Variants in STAG2 observed in about 807,000 individuals in gnomAD.
STAG2 encodes STAG2 cohesin complex component.
STAG2 carries 14 observed loss-of-function variants against 108.1 expected under a neutral mutation model. The ratio of observed to expected loss-of-function variants is 0.13; its 90% CI spans 0.09 to 0.20. The LOEUF (loss-of-function observed/expected upper bound fraction) is 0.20, where lower values mean the gene tolerates loss of function less well. Among genes scored for constraint, STAG2 ranks in the 10% least tolerant of loss-of-function variants. The probability of loss-of-function intolerance (pLI) is 1.00; values close to 1 mark genes in which losing one functional copy is unlikely to be tolerated. For synonymous variants in STAG2, 307 were observed against 302.7 expected, an observed-to-expected ratio of 1.01 and a Z score of -0.15; for missense variants, 440 against 940.9, an observed-to-expected ratio of 0.47 and a Z score of 6.96.
intron 7 of STAG2, among the ~76,000 whole-genome samples, chrX:124,044,756 T>C (rs2057826454): frequency 8.9e-6 from 1 of 112,432 alleles, no homozygotes; most frequent in African/African-American, 3.2e-5. Context: ...TGTTGATTTA[T>C]ACATCATACA....
intron 3 of STAG2, among the ~76,000 whole-genome samples, chrX:124,025,423 A>G (rs959163284): frequency 3.6e-5 from 4 of 111,362 alleles, no homozygotes; most frequent in African/African-American, 1.3e-4. Flanking sequence ...CAGAGGATCC[A>G]TAATCATAAA....
chrX:123,961,323 A>T (rs957673009), upstream of STAG2: 1 of 106,458 alleles, frequency 9.4e-6, no homozygotes, highest in Admixed American at 9.9e-5. Context: ...TGGGTGGCCC[A>T]AAATGGAGAA....
At chrX:124,049,855 G>A (rs1276389950) in intron 10 of STAG2, among the ~76,000 whole-genome samples, 3 of 112,081 alleles carry the variant, frequency 2.7e-5, no homozygotes, top group Admixed American at 9.5e-5. Flanking sequence ...TGGAAATTAC[G>A]CTCTAGCCAG....
intron 29 of STAG2, 46 bp from the exon 30 acceptor site, chrX:124,086,501 C>G (rs1173393217): frequency 9.6e-7 from 1 of 1,043,303 alleles, no homozygotes; most frequent in East Asian, 3.0e-5. Flanking sequence ...TTAATATAAC[C>G]CACAGATTTC....
intron 34 of STAG2, among the ~76,000 whole-genome samples, chrX:124,097,040 A>G (rs1487964468): frequency 3.6e-5 from 4 of 110,222 alleles, no homozygotes; most frequent in Non-Finnish European, 5.7e-5. Flanking sequence ...TTAGCTGGGC[A>G]TGAAGATGCA....
At chrX:123,985,064 T>A (rs2055099403) in intron 1 of STAG2, among the ~76,000 whole-genome samples, 1 of 112,031 alleles carries the variant, frequency 8.9e-6, no homozygotes, top group South Asian at 3.7e-4. Flanking sequence ...TTTTGAGATC[T>A]GAGAGGCTTG....
intron 21 of STAG2, 33 bp from the exon 22 acceptor site, chrX:124,066,142 A>ATT (rs2058518926): frequency 1.3e-6 from 1 of 772,649 alleles, no homozygotes; most frequent in Non-Finnish European, 1.7e-6. Flanking sequence ...AATAAAACTT[A>ATT]ATTTTTTTTT....
intron 23 of STAG2, among the ~76,000 whole-genome samples, chrX:124,067,586 C>T (rs1192690038): frequency 9.0e-6 from 1 of 111,298 alleles, no homozygotes; most frequent in Non-Finnish European, 1.9e-5. Flanking sequence ...TTTTATCAAA[C>T]ACTTAGGAAA....
At chrX:124,000,021 C>T (rs2055951084) in intron 1 of STAG2, among the ~76,000 whole-genome samples, 1 of 109,382 alleles carries the variant, frequency 9.1e-6, no homozygotes, top group South Asian at 3.9e-4. Flanking sequence ...AATCTGGTCT[C>T]TTAAGCCTCA....
chrX:123,979,693 T>C (rs1180825242), intron 1 of STAG2, among the ~76,000 whole-genome samples: 2 of 111,245 alleles, frequency 1.8e-5, no homozygotes, highest in Non-Finnish European at 3.8e-5. Flanking sequence ...CTAGGTTCTG[T>C]AGAGCCTTTT....
intron 33 of STAG2, among the ~76,000 whole-genome samples, chrX:124,094,709 A>T (rs1360339525): frequency 2.7e-5 from 3 of 111,307 alleles, no homozygotes; most frequent in Non-Finnish European, 1.9e-5. Flanking sequence ...GGTTGAAAGG[A>T]TTGAGGATAT....
chrX:124,041,550 T>C (rs2057720413), intron 6 of STAG2, among the ~76,000 whole-genome samples: 1 of 111,503 alleles, frequency 9.0e-6, no homozygotes, highest in Non-Finnish European at 1.9e-5. Context: ...ATTCTTCTTT[T>C]AGATATTACT....
At chrX:124,058,120 A>ATT in intron 15 of STAG2, 143 bp downstream of exon 15, 24 of 229,500 alleles carry the variant, frequency 1.0e-4, no homozygotes, top group East Asian at 2.0e-4. Context: ...CACTCCCCCA[A>ATT]TTTTTTTTTT....
rs1372508676 is a variant in STAG2, at chrX:124,101,711, C to G, written c.*1114C>G. ...GCAAGCAGTCTTCAGGTTAAAGATACTTCTAACAGGTTACAGTACATTTCC... is the reference window on the plus strand; with the variant it reads ...GCAAGCAGTCTTCAGGTTAAAGATAGTTCTAACAGGTTACAGTACATTTCC... On this transcript the variant is annotated 3_prime_UTR_variant, in exon 35 of 35. Transcript: ENST00000371145. 1 of 162,862 alleles carries G rather than the reference C, an allele frequency of 6.1e-6. No individual in the cohort carries two copies. Among genetic ancestry groups the G allele is most frequent in the African/African-American group, 3.0e-5 (1 of 33,210 alleles). The allele number at this position is 162,862 out of a possible 1,213,427, so 13.4% of individuals were successfully genotyped here.
At chrX:124,035,329 C>CAGACTT (rs2057484584) in intron 5 of STAG2, among the ~76,000 whole-genome samples, 1 of 111,688 alleles carries the variant, frequency 9.0e-6, no homozygotes, top group Non-Finnish European at 1.9e-5. Flanking sequence ...TTTATTATAG[C>CAGACTT]AGACTTATTT....
chrX:124,029,413 C>T (rs1253203620), intron 4 of STAG2, among the ~76,000 whole-genome samples: 1 of 110,563 alleles, frequency 9.0e-6, no homozygotes, highest in Non-Finnish European at 1.9e-5. Context: ...TGGGTTCAAG[C>T]AATTTTCCTG....
intron 1 of STAG2, among the ~76,000 whole-genome samples, chrX:124,009,435 GTAGGTAGGTAGATAGA>G (rs1255503447): frequency 4.1e-4 from 29 of 71,192 alleles, no homozygotes; most frequent in South Asian, 3.7e-3. Flanking sequence ...AGGTAGGTAG[GTAGGTAGGTAGATAGA>G]TAGATAGATA....
At chrX:123,997,775 G>T (rs2055815063) in intron 1 of STAG2, among the ~76,000 whole-genome samples, 1 of 111,516 alleles carries the variant, frequency 9.0e-6, no homozygotes, top group Non-Finnish European at 1.9e-5. Flanking sequence ...CAGGTAGCTG[G>T]GATTATAGGC....
chrX:124,093,876 TAATC>T, intron 32 of STAG2, 138 bp from the exon 33 acceptor site: 2 of 615,842 alleles, frequency 3.2e-6, no homozygotes, highest in African/African-American at 2.2e-5. Context: ...ATTGATGACA[TAATC>T]AATGCCTAAT....
Sources: allele counts gnomAD v4.1 joint callset (sites outside exome capture counted in the v4.1 genomes callset), GRCh38; gene constraint gnomAD v4.1.1; transcripts MANE v1.5; gene names NCBI Gene and HGNC (gene_info 2026-07-23, HGNC 2026-07-21).